DTNA: variants seen among roughly 807,000 people sequenced by gnomAD.
DTNA encodes the protein dystrophin-related protein 3.
DTNA carries 43 observed loss-of-function variants against 100.7 expected under a neutral mutation model. The observed-to-expected ratio is 0.43, with a 90% CI of 0.33 to 0.55. DTNA has a LOEUF of 0.55. Among genes scored for constraint, DTNA ranks in the 20% least tolerant of loss-of-function variants. The pLI is 0.04. For synonymous variants in DTNA, 349 were observed against 347.9 expected, an observed-to-expected ratio of 1.00 and a Z score of -0.04; for missense variants, 798 against 953.9, an observed-to-expected ratio of 0.84 and a Z score of 2.15.
intron 1 of DTNA, among the ~76,000 whole-genome samples, chr18:34,619,997 C>T (rs1295497175): frequency 1.3e-5 from 2 of 152,098 alleles, no homozygotes; most frequent in Non-Finnish European, 2.9e-5. Flanking sequence ...AAAATAAGGA[C>T]AGAATGGTTT....
At position 34,669,832 on chromosome 18, in the gene DTNA, T is replaced by C. The variant is rs540262945; in HGVS notation, c.-1-86144T>C. Among the ~76,000 whole-genome samples the C allele has an allele frequency of 3.9e-4, 59 of 152,310 alleles. 1 individual carries two copies. The highest frequency in any genetic ancestry group is 2.1e-3 in the Admixed American group (32 of 15,296). ...GATGGGCTTCCCTTTGTGGGTAACC[T>C]GACCTTTCTCTCTGGCTGCCCTTAA... On this transcript the variant is annotated intron_variant, in intron 1 of 19. Coordinates refer to the DTNA transcript ENST00000283365.
chr18:34,741,067 G>A (rs578222475), intron 1 of DTNA, among the ~76,000 whole-genome samples: 7 of 152,208 alleles, frequency 4.6e-5, no homozygotes, highest in East Asian at 1.9e-4. Context: ...CGTTCTCTGC[G>A]CAGGTCCATT....
intron 13 of DTNA, among the ~76,000 whole-genome samples, chr18:34,841,244 TC>T (rs1404916181): frequency 1.3e-5 from 2 of 152,184 alleles, no homozygotes; most frequent in African/African-American, 4.8e-5. Context: ...CTGTGTTTCA[TC>T]ACCTCTTTTA....
intron 3 of DTNA, among the ~76,000 whole-genome samples, chr18:34,792,330 G>A (rs1327020302): frequency 6.6e-6 from 1 of 152,106 alleles, no homozygotes; most frequent in Non-Finnish European, 1.5e-5. Context: ...TTGGCTAGTT[G>A]GCTCATTTGT....
At chr18:34,603,919 T>A (rs1020237417) in intron 1 of DTNA, among the ~76,000 whole-genome samples, 2 of 151,784 alleles carry the variant, frequency 1.3e-5, no homozygotes, top group African/African-American at 2.4e-5. Context: ...AAGAAAAAAA[T>A]TATTGAGTTT....
chr18:34,794,106 A>G lies in DTNA; in HGVS notation c.218A>G (p.Asn73Ser). 1 of 1,614,150 alleles carries G rather than the reference A, an allele frequency of 6.2e-7. No homozygotes were observed. Among genetic ancestry groups the G allele is most frequent in the Non-Finnish European group, 8.5e-7 (1 of 1,180,022 alleles). Residue 73 changes from asparagine (N) to serine (S), a missense_variant, in exon 4 of 23, where the codon AAC (asparagine) becomes AGC (serine). This residue lies in a region of DTNA where 197 missense variants were observed against 215.4 expected (regional missense o/e 0.91). Transcript: ENST00000444659. ...AATGCTCTGAACAACCTGGACCCAA[A>G]CACTGAACTCAACGTGTCCCGCTTA... ...RENALNNLDPNTELNVSRLEA... is the reference protein window; with the variant it reads ...RENALNNLDPSTELNVSRLEA...
intron 1 of DTNA, among the ~76,000 whole-genome samples, chr18:34,617,877 T>G (rs887297411): frequency 6.6e-6 from 1 of 152,230 alleles, no homozygotes; most frequent in Non-Finnish European, 1.5e-5. Flanking sequence ...ATCCTTTCAT[T>G]GTGATATTTG....
chr18:34,813,258 G>A (rs1602497744), intron 6 of DTNA, among the ~76,000 whole-genome samples: 1 of 150,938 alleles, frequency 6.6e-6, no homozygotes. Flanking sequence ...CAGGAGCTCA[G>A]GAGTTCAAAA....
intron 1 of DTNA, among the ~76,000 whole-genome samples, chr18:34,543,869 C>G (rs550778148): frequency 6.6e-6 from 1 of 152,072 alleles, no homozygotes; most frequent in African/African-American, 2.4e-5. Flanking sequence ...CATCTGGGAA[C>G]CCATAAAAAT....
intron 1 of DTNA, among the ~76,000 whole-genome samples, chr18:34,522,467 T>C (rs1200498637): frequency 6.6e-6 from 1 of 152,196 alleles, no homozygotes; most frequent in East Asian, 1.9e-4. Flanking sequence ...ACTTTCAAGC[T>C]AACATTGCTT....
At chr18:34,523,774 C>T (rs942309690) in intron 1 of DTNA, among the ~76,000 whole-genome samples, 2 of 152,064 alleles carry the variant, frequency 1.3e-5, no homozygotes, top group African/African-American at 2.4e-5. Flanking sequence ...AATTTTAATT[C>T]GAAGGCTATT....
intron 17 of DTNA, chr18:34,868,388 A>C: frequency 2.8e-5 from 22 of 786,338 alleles, no homozygotes; most frequent in South Asian, 5.8e-5. Context: ...CCAGCCCTAT[A>C]GAGGCGGTTC....
chr18:34,642,397 G>T (rs1220434594), intron 1 of DTNA, among the ~76,000 whole-genome samples: 1 of 152,142 alleles, frequency 6.6e-6, no homozygotes, highest in African/African-American at 2.4e-5. Flanking sequence ...ACTACTTAAG[G>T]CTCTTGAATG....
chr18:34,564,420 A>C (rs542807549), intron 1 of DTNA, among the ~76,000 whole-genome samples: 15 of 152,368 alleles, frequency 9.8e-5, no homozygotes, highest in Non-Finnish European at 2.9e-5. Context: ...CTGGGATTAC[A>C]GGCGTGAGCC....
In DTNA at chr18:34,794,240, G is replaced by A. The variant is rs779562839; in HGVS notation, c.352G>A (p.Ala118Thr). 12 of 1,613,974 alleles carry A rather than the reference G, an allele frequency of 7.4e-6. No individual in the cohort carries two copies. The highest frequency in any genetic ancestry group is 8.5e-6 in the Non-Finnish European group (10 of 1,179,922). The change falls in exon 4 of 23, where the codon GCG becomes ACG. Residue 118 changes from alanine to threonine, a missense_variant. This residue lies in a region of DTNA where 197 missense variants were observed against 215.4 expected (regional missense o/e 0.91). Coordinates refer to ENST00000444659, the MANE Select transcript of DTNA (RefSeq NM_001386795.1). Reference protein sequence around the residue: ...ISLLLNFLLAAFDPEGHGKIS... With the variant: ...ISLLLNFLLATFDPEGHGKIS... ...CCTCCTCCTTAACTTCCTGCTTGCA[G>A]CGTTTGATCCGTAAGCACCCTCTGA... is the stretch of plus-strand genomic sequence containing the variant.
intron 3 of DTNA, among the ~76,000 whole-genome samples, chr18:34,772,632 A>G (rs2093836356): frequency 1.3e-5 from 2 of 152,126 alleles, no homozygotes. Context: ...TCTTCCAACT[A>G]GTGTATCAGT....
At chr18:34,666,577 T>G (rs1430550387) in intron 1 of DTNA, among the ~76,000 whole-genome samples, 5 of 152,238 alleles carry the variant, frequency 3.3e-5, no homozygotes, top group Admixed American at 6.5e-5. Context: ...AGTCTTTAAT[T>G]CATCTTGAAT....
At chr18:34,585,579 T>C (rs71363455) in intron 1 of DTNA, among the ~76,000 whole-genome samples, 15,997 of 151,270 alleles carry the variant, frequency 0.11, 1,224 homozygotes, top group African/African-American at 0.22. Context: ...GGTAGGGAGG[T>C]AGGTGACAGG....
At chr18:34,807,954 G>A (rs1428448777) in intron 5 of DTNA, among the ~76,000 whole-genome samples, 1 of 147,784 alleles carries the variant, frequency 6.8e-6, no homozygotes, top group Non-Finnish European at 1.5e-5. Context: ...TTAGCAAAAT[G>A]AACCAAGGCT....
Sources: gnomAD v4.1 joint callset for allele counts (sites outside exome capture counted in the v4.1 genomes callset) on GRCh38, gnomAD v4.1.1 for gene constraint, gnomAD v4.1.1 regional missense constraint, MANE v1.5 for transcripts, NCBI Gene and HGNC (gene_info 2026-07-23, HGNC 2026-07-21) for gene names.